STAR: variants seen among roughly 807,000 people sequenced by gnomAD.
STAR encodes steroidogenic acute regulatory protein, mitochondrial.
Under a neutral mutation model 32.3 loss-of-function variants are expected in STAR, and 32 were observed. The observed-to-expected ratio is 0.99, with a 90% CI of 0.75 to 1.33. The LOEUF (loss-of-function observed/expected upper bound fraction) is 1.33. STAR is among the 40% of genes most tolerant of loss of function. The probability of loss-of-function intolerance (pLI) is 0.00; values close to 1 mark genes in which losing one functional copy is unlikely to be tolerated. For synonymous variants in STAR, 134 were observed against 140.5 expected (o/e 0.95, Z 0.33); for missense variants, 375 against 379.0 (o/e 0.99, Z 0.09).
intron 3 of STAR, among the ~76,000 whole-genome samples, chr8:38,147,349 A>T (rs1802592285): frequency 6.6e-6 from 1 of 152,138 alleles, no homozygotes; most frequent in African/African-American, 2.4e-5. Flanking sequence ...TTGACTTCAG[A>T]AGCTCAAAGA....
Position 38,142,873 on chromosome 8 carries a change from C to T in STAR, c.*1400G>A, listed in dbSNP as rs1198595764. Among the ~76,000 whole-genome samples the T allele has an allele frequency of 1.3e-5, 2 of 152,128 alleles. No homozygotes were observed. Among genetic ancestry groups the T allele is most frequent in the Non-Finnish European group, 2.9e-5 (2 of 68,024 alleles). ...GCTTTCACCATATTACCCCTTCTTC[C>T]AGCCACTTCTCCCAGAATACTAAAC... On this transcript the variant is annotated 3_prime_UTR_variant, in exon 7 of 7. Coordinates refer to ENST00000276449, the MANE Select transcript of STAR (RefSeq NM_000349.3).
At chr8:38,144,631 A>G in intron 6 of STAR, 1 of 1,328,180 alleles carries the variant, frequency 7.5e-7, no homozygotes, top group Non-Finnish European at 9.7e-7. Context: ...ACCCTGAACC[A>G]GTTATGTTGC....
intron 5 of STAR, 57 bp downstream of exon 5, chr8:38,145,906 G>T: frequency 6.2e-7 from 1 of 1,605,238 alleles, no homozygotes; most frequent in Non-Finnish European, 8.5e-7. Context: ...ATGCTTGGGT[G>T]CACACCTGCA....
rs34071175 is a variant in STAR, at chr8:38,143,953, A to T, written c.*320T>A. Reference sequence around the variant, plus strand: ...AGCATCCCCCACACCCATATCAGCCACTAGCATTTTAAAGATGGTTTTAGG... The same window carrying T: ...AGCATCCCCCACACCCATATCAGCCTCTAGCATTTTAAAGATGGTTTTAGG... On this transcript the variant is annotated 3_prime_UTR_variant, in exon 7 of 7. Transcript: ENST00000276449. 292 of 361,910 alleles carry T rather than the reference A, an allele frequency of 8.1e-4. 1 individual carries two copies. Among genetic ancestry groups the T allele is most frequent in the South Asian group, 3.0e-3 (139 of 46,454 alleles). The allele number at this position is 361,910 out of a possible 1,614,324, so 22.4% of individuals were successfully genotyped here.
intron 3 of STAR, 115 bp from the exon 4 acceptor site, chr8:38,146,562 G>A (rs1802578080): frequency 8.3e-7 from 1 of 1,201,336 alleles, no homozygotes; most frequent in Non-Finnish European, 1.2e-6. Context: ...TGGATCACAA[G>A]GTCAGGAGTT....
intron 5 of STAR, 38 bp from the exon 6 acceptor site, chr8:38,145,353 G>T (rs772248901): frequency 1.9e-6 from 3 of 1,613,524 alleles, no homozygotes; most frequent in Non-Finnish European, 2.5e-6. Flanking sequence ...GGACAGTTGC[G>T]AGTTCTCTCT....
rs779444209 is a variant in STAR, at chr8:38,150,938, G to C, written c.-120C>G. On this transcript the variant is annotated 5_prime_UTR_variant, in exon 1 of 7. Transcript: ENST00000276449. ...CCTGAGCCCCTCAAGCTTCGCCTCT[G>C]AGTCCCGCAGCTGCAGCCTGGACCT... 1.0e-5 allele frequency: 16 copies of C among 1,590,274 alleles called. No homozygotes were observed. In the East Asian group the frequency reaches 3.4e-4, roughly 33 times the overall value.
chr8:38,145,608 G>T, intron 5 of STAR: 1 of 559,480 alleles, frequency 1.8e-6, no homozygotes, highest in Non-Finnish European at 3.2e-6. Flanking sequence ...CTGGGGCCTT[G>T]GGAAATTCAG....
At chr8:38,147,788 G>A (rs1802599045) in intron 3 of STAR, among the ~76,000 whole-genome samples, 1 of 152,226 alleles carries the variant, frequency 6.6e-6, no homozygotes, top group South Asian at 2.1e-4. Flanking sequence ...CTGTGTTCTA[G>A]TCCAGGCCTG....
In STAR at chr8:38,150,850, CGCTGCCGCTGCT is replaced by C; in HGVS notation, c.-44_-33del. ...CTGGCAAATGTGGCAGTGGTGGGGT[CGCTGCCGCTGCT>C]GCTGCCGCCGCTGCTGCTGCCTCTT... On this transcript the variant is annotated 5_prime_UTR_variant, in exon 1 of 7. Coordinates refer to ENST00000276449, the MANE Select transcript of STAR (RefSeq NM_000349.3). The C allele has an allele frequency of 1.9e-6, 3 of 1,601,472 alleles. No homozygotes were observed. Among genetic ancestry groups the C allele is most frequent in the Non-Finnish European group, 1.7e-6 (2 of 1,179,774 alleles).
rs1255702102 is a variant in STAR, at chr8:38,143,891, T to TG, written c.*381dup. The TG allele has an allele frequency of 5.9e-6, 2 of 340,708 alleles. No individual in the cohort carries two copies. Among genetic ancestry groups the TG allele is most frequent in the East Asian group, 1.6e-4 (2 of 12,846 alleles). The allele number at this position is 340,708 out of a possible 1,614,324, so 21.1% of individuals were successfully genotyped here. A position where few individuals can be genotyped will look rare whatever the true frequency, so the allele number is the denominator to read the frequency against. On this transcript the variant is annotated 3_prime_UTR_variant, in exon 7 of 7. Transcript: ENST00000276449. The stretch of plus-strand genomic sequence containing the variant: ...ATGTACTGCCAGCGCATGGCATTCT[T>TG]GAGCCCATAAAGCAAGACTTCTCAG...
Position 38,142,745 on chromosome 8 carries a change from C to T in STAR, c.*1528G>A, listed in dbSNP as rs929241652. ...GTTTCTCCATGTTAGTCAGGCTGGT[C>T]TCCTGCCCTCAGGTGATTGCCTGCC... On this transcript the variant is annotated 3_prime_UTR_variant, in exon 7 of 7. Transcript: ENST00000276449. Among the ~76,000 whole-genome samples, 1 of 151,976 alleles carries T rather than the reference C, an allele frequency of 6.6e-6. No homozygotes were observed. Among genetic ancestry groups the T allele is most frequent in the Non-Finnish European group, 1.5e-5 (1 of 68,008 alleles).
At chr8:38,145,360 C>T (rs760681902) in intron 5 of STAR, 45 bp from the exon 6 acceptor site, 2 of 1,613,266 alleles carry the variant, frequency 1.2e-6, no homozygotes, top group Non-Finnish European at 1.7e-6. Context: ...TGCGAGTTCT[C>T]TCTTGCACTG....
At position 38,146,051 on chromosome 8, in the gene STAR, G is replaced by A. The variant is rs104894090; in HGVS notation, c.562C>T (p.Arg188Cys). The A allele has an allele frequency of 4.7e-5, 76 of 1,614,102 alleles. No individual in the cohort carries two copies. The highest frequency in any genetic ancestry group is 2.3e-4 in the South Asian group (21 of 91,090). Residue 188 changes from arginine (R) to cysteine (C), a missense_variant, in exon 5 of 7, where the codon CGC becomes TGC. Arg to Cys is a radical substitution (Grantham distance 180). Coordinates refer to ENST00000276449, the MANE Select transcript of STAR (RefSeq NM_000349.3). ...LVGPRDFVSV[R>C]CAKRRGSTCV... The stretch of plus-strand genomic sequence containing the variant: ...GTGGAGCCTCGGCGCTTGGCACAGC[G>A]CACGCTCACAAAGTCACGGGGCCCC...
chr8:38,146,812 C>T (rs1802582414), intron 3 of STAR, among the ~76,000 whole-genome samples: 1 of 150,496 alleles, frequency 6.6e-6, no homozygotes, highest in Admixed American at 6.6e-5. Flanking sequence ...TAGTCTAGGT[C>T]CCATAGGCAA....
At chr8:38,149,891 G>A (rs1454346727) in intron 1 of STAR, among the ~76,000 whole-genome samples, 4 of 152,156 alleles carry the variant, frequency 2.6e-5, no homozygotes, top group African/African-American at 7.2e-5. Flanking sequence ...AGCAGTTTGG[G>A]AGGCAGATCA....
chr8:38,145,769 T>C, intron 5 of STAR, 194 bp downstream of exon 5: 1 of 686,114 alleles, frequency 1.5e-6, no homozygotes, highest in Middle Eastern at 4.0e-4. Context: ...CATGACAAGC[T>C]GTCTGGCTGT....
intron 5 of STAR, 61 bp downstream of exon 5, chr8:38,145,902 G>A: frequency 2.5e-6 from 4 of 1,604,042 alleles, no homozygotes; most frequent in Non-Finnish European, 3.4e-6. Flanking sequence ...CCACATGCTT[G>A]GGTGCACACC....
At chr8:38,146,931 G>A (rs1802585926) in intron 3 of STAR, among the ~76,000 whole-genome samples, 1 of 151,586 alleles carries the variant, frequency 6.6e-6, no homozygotes, top group South Asian at 2.1e-4. Context: ...ATGGCCTTGT[G>A]CATCTGCTGA....
Sources: allele counts gnomAD v4.1 joint callset (sites outside exome capture counted in the v4.1 genomes callset), GRCh38; gene constraint gnomAD v4.1.1; transcripts MANE v1.5; gene names NCBI Gene and HGNC (gene_info 2026-07-23, HGNC 2026-07-21).